The following RANBP2 variants were observed in gnomAD, a reference collection of about 807,000 sequenced individuals.
RANBP2 encodes the protein RAN binding protein 2, also known as E3 SUMO-protein ligase RanBP2.
A neutral mutation model predicts 303.6 loss-of-function variants in RANBP2; 57 were observed. That is an observed-to-expected ratio of 0.19 (90% CI 0.15 to 0.23). RANBP2 has a LOEUF of 0.23. Ranked by LOEUF, RANBP2 falls within the 10% of genes least tolerant of loss-of-function variation. The pLI is 1.00. For missense variants in RANBP2, 3,138 were observed against 3,780.8 expected (o/e 0.83, Z 4.46); for synonymous variants, 1,167 against 1,301.5 (o/e 0.90, Z 2.23).
At chr2:108,905,598 G>A in the RANBP2 span, among the ~76,000 whole-genome samples, 3 of 152,090 alleles carry the variant, frequency 2.0e-5, no homozygotes, top group Non-Finnish European at 4.4e-5. Context: ...CTCCACTCCC[G>A]CTGCCCGGCC....
chr2:109,684,405 T>C, the RANBP2 span, among the ~76,000 whole-genome samples: 2 of 151,806 alleles, frequency 1.3e-5, no homozygotes, highest in African/African-American at 4.8e-5. Context: ...CACGGCCGGC[T>C]AATTTTTGTA....
At chr2:109,680,623 A>G in the RANBP2 span, among the ~76,000 whole-genome samples, 1 of 152,154 alleles carries the variant, frequency 6.6e-6, no homozygotes, top group South Asian at 2.1e-4. Context: ...TATTATCACC[A>G]TCACCTGTTT....
chr2:109,202,775 T>G, the RANBP2 span, among the ~76,000 whole-genome samples: 3 of 152,106 alleles, frequency 2.0e-5, no homozygotes, highest in Non-Finnish European at 1.5e-5. Flanking sequence ...ATGGAGCTCT[T>G]AGGATCATAC....
the RANBP2 span, among the ~76,000 whole-genome samples, chr2:108,838,146 G>T: frequency 6.6e-6 from 1 of 152,010 alleles, no homozygotes; most frequent in African/African-American, 2.4e-5. Context: ...ATTGCCTCCT[G>T]GGATACAAGG....
chr2:108,850,491 G>A, the RANBP2 span, among the ~76,000 whole-genome samples: 7 of 151,902 alleles, frequency 4.6e-5, no homozygotes, highest in East Asian at 1.9e-4. Flanking sequence ...TCACCCTGTC[G>A]CCCAGGCTGG....
chr2:109,750,662 T>C, the RANBP2 span, among the ~76,000 whole-genome samples: 1 of 81,252 alleles, frequency 1.2e-5, no homozygotes, highest in African/African-American at 4.2e-5. Flanking sequence ...GTAGCTGGCA[T>C]CTACTTAGTG....
the RANBP2 span, among the ~76,000 whole-genome samples, chr2:109,034,493 G>A: frequency 6.6e-6 from 1 of 152,162 alleles, no homozygotes. Flanking sequence ...GCTATGGCAA[G>A]AGAGGCGAAG....
chr2:109,122,344 T>C, the RANBP2 span, among the ~76,000 whole-genome samples: 1 of 152,214 alleles, frequency 6.6e-6, no homozygotes. Flanking sequence ...ACAGGTTCAC[T>C]GTGGGCAAGT....
chr2:108,798,479 C>A, the RANBP2 span: 2 of 1,613,648 alleles, frequency 1.2e-6, no homozygotes, highest in East Asian at 2.2e-5. Flanking sequence ...AAAGCGAGAA[C>A]GTTTTTTACT....
At chr2:108,968,414 C>G in the RANBP2 span, among the ~76,000 whole-genome samples, 2 of 152,058 alleles carry the variant, frequency 1.3e-5, no homozygotes, top group Non-Finnish European at 2.9e-5. Context: ...GTTTTGCAAA[C>G]CAGGGATGTA....
At chr2:109,368,585 C>G in the RANBP2 span, among the ~76,000 whole-genome samples, 1 of 151,376 alleles carries the variant, frequency 6.6e-6, no homozygotes, top group Non-Finnish European at 1.5e-5. Context: ...TCTAATTTTT[C>G]TAGGTAGAAA....
At chr2:109,471,206 CAAAAAAAAAAAA>C in the RANBP2 span, among the ~76,000 whole-genome samples, 2 of 40,144 alleles carry the variant, frequency 5.0e-5, no homozygotes, top group Non-Finnish European at 1.3e-4. Flanking sequence ...GACTCTGTCT[CAAAAAAAAAAAA>C]AAAAAAAAAA....
At chr2:109,130,057 A>G in the RANBP2 span, 1 of 1,367,962 alleles carries the variant, frequency 7.3e-7, no homozygotes, top group Non-Finnish European at 9.4e-7. Context: ...GGCCGCGGGC[A>G]GCACCGCCGG....
chr2:108,762,330 C>T (rs1194611595), intron 19 of RANBP2, 135 bp downstream of exon 19: 2 of 885,408 alleles, frequency 2.3e-6, no homozygotes, highest in East Asian at 2.8e-5. Context: ...TTAAATTTAT[C>T]TCCAAATACA....
the RANBP2 span, among the ~76,000 whole-genome samples, chr2:109,610,254 A>T: frequency 5.4e-3 from 819 of 152,132 alleles, 5 homozygotes; most frequent in African/African-American, 0.018. Context: ...AAGCCCAGCT[A>T]ATTTCCTGTA....
the RANBP2 span, among the ~76,000 whole-genome samples, chr2:109,522,953 G>A: frequency 3.9e-5 from 6 of 152,200 alleles, no homozygotes; most frequent in African/African-American, 1.2e-4. Flanking sequence ...CTTAGGAATT[G>A]TAGATGGCCC....
chr2:109,666,042 C>T, the RANBP2 span, among the ~76,000 whole-genome samples: 22 of 151,294 alleles, frequency 1.5e-4, 1 homozygote, highest in South Asian at 8.4e-4. Flanking sequence ...ACCTGGGAAG[C>T]GGAGGTTGCA....
the RANBP2 span, among the ~76,000 whole-genome samples, chr2:109,428,760 G>A: frequency 2.0e-5 from 3 of 152,230 alleles, no homozygotes; most frequent in Non-Finnish European, 4.4e-5. Flanking sequence ...GGGTGGCCTT[G>A]GCTGGTCTCG....
chr2:109,435,253 G>A, the RANBP2 span, among the ~76,000 whole-genome samples: 1 of 152,162 alleles, frequency 6.6e-6, no homozygotes, highest in African/African-American at 2.4e-5. Context: ...CACAAAACAG[G>A]AAATCTGGCC....
Sources: allele counts gnomAD v4.1 joint callset (sites outside exome capture counted in the v4.1 genomes callset), GRCh38; gene constraint gnomAD v4.1.1; transcripts MANE v1.5; gene names NCBI Gene and HGNC (gene_info 2026-07-23, HGNC 2026-07-21).